The following HCK variants were observed in gnomAD, a reference collection of about 807,000 sequenced individuals.
HCK encodes the protein tyrosine-protein kinase HCK.
Under a neutral mutation model 70.4 loss-of-function variants are expected in HCK, and 40 were observed. The observed-to-expected ratio is 0.57, with a 90% confidence interval of 0.44 to 0.74. The LOEUF is 0.74. HCK is among the 30% of genes least tolerant of loss of function. The pLI, the probability that HCK is intolerant of heterozygous loss-of-function variation, is 0.00. For missense variants in HCK, 568 were observed against 697.2 expected, an observed-to-expected ratio of 0.81 and a Z score of 2.09; for synonymous variants, 245 against 263.2, an observed-to-expected ratio of 0.93 and a Z score of 0.67.
Position 32,074,658 on chromosome 20 carries a change from C to A in HCK, c.365C>A (p.Thr122Asn), listed in dbSNP as rs2045595078. 2.5e-6 allele frequency: 4 copies of A among 1,613,920 alleles called. No homozygotes were observed. Among genetic ancestry groups the A allele is most frequent in the Non-Finnish European group, 3.4e-6 (4 of 1,179,950 alleles). ...TGGTGGAAGGCTCGATCCCTGGCCA[C>A]CCGGAAGGAGGGCTACATCCCAAGC... Residue 122 changes from threonine to asparagine, a missense_variant, in exon 5 of 13, where the codon ACC (threonine) becomes AAC (asparagine). By Grantham distance (65) the Thr-to-Asn change is moderately conservative (BLOSUM62 0). Around this residue, in one of 4 missense-constraint regions of HCK, gnomAD observed 318 missense variants for 336.0 expected, o/e 0.95. Transcript: ENST00000375852.
At chr20:32,053,375 C>A (rs958495855) in intron 1 of HCK, among the ~76,000 whole-genome samples, 1 of 151,934 alleles carries the variant, frequency 6.6e-6, no homozygotes, top group African/African-American at 2.4e-5. Flanking sequence ...GGGTGGCACA[C>A]GCCTGTAATC....
intron 1 of HCK, among the ~76,000 whole-genome samples, chr20:32,061,069 C>T (rs2045363216): frequency 2.0e-5 from 3 of 152,140 alleles, no homozygotes; most frequent in South Asian, 2.1e-4. Context: ...CTGCAACCTC[C>T]GCCTCCCGGG....
At chr20:32,073,415 C>T in intron 3 of HCK, 54 bp downstream of exon 3, 1 of 1,448,616 alleles carries the variant, frequency 6.9e-7, no homozygotes, top group Non-Finnish European at 9.6e-7. Context: ...GAGGACTCCG[C>T]TAGGTTCTCC....
At chr20:32,095,312 G>A (rs2045939968) in intron 11 of HCK, among the ~76,000 whole-genome samples, 1 of 152,018 alleles carries the variant, frequency 6.6e-6, no homozygotes, top group African/African-American at 2.4e-5. Context: ...CTAGAGTGCA[G>A]TGGCTCAATC....
chr20:32,054,149 A>G (rs1454029970), intron 1 of HCK: 1 of 438,084 alleles, frequency 2.3e-6, no homozygotes, highest in Non-Finnish European at 4.6e-6. Flanking sequence ...ATTTACTAAA[A>G]GTAACAGAAA....
At position 32,086,701 on chromosome 20, in the gene HCK, G is replaced by A. The variant is rs775556498; in HGVS notation, c.909G>A (p.Leu303=). Residue 303 remains leucine (L), a synonymous_variant, in exon 9 of 13, where the codon CTG becomes CTA. Coordinates refer to ENST00000375852, the MANE Select transcript of HCK (RefSeq NM_002110.5). ...GGAGCATGTCGGTGGAGGCCTTCCT[G>A]GCAGAGGCCAACGTGATGAAAACTC... The A allele has an allele frequency of 1.2e-6, 2 of 1,613,776 alleles. No homozygotes were observed. Among genetic ancestry groups the A allele is most frequent in the South Asian group, 1.1e-5 (1 of 91,030 alleles).
At chr20:32,087,749 C>T (rs935478366) in intron 9 of HCK, among the ~76,000 whole-genome samples, 3 of 152,092 alleles carry the variant, frequency 2.0e-5, no homozygotes, top group Non-Finnish European at 4.4e-5. Flanking sequence ...TCACGCCATT[C>T]TCCTGCCTCA....
rs751576419 is a variant in HCK at position 32,083,969 on chromosome 20, T to C, written c.608T>C (p.Leu203Pro). ...GTGAAACATTACAAGATCCGGACCC[T>C]GGACAACGGGGGCTTCTACATATCC... Residue 203 changes from leucine to proline, a missense_variant, in exon 7 of 13, where the codon CTG (leucine) becomes CCG (proline). Transcript: ENST00000375852. 2 of 1,614,076 alleles carry C rather than the reference T, an allele frequency of 1.2e-6. No individual in the cohort carries two copies. Among genetic ancestry groups the C allele is most frequent in the Admixed American group, 3.3e-5 (2 of 60,006 alleles).
At chr20:32,094,788 A>AAAGAAG (rs879484597) in intron 11 of HCK, among the ~76,000 whole-genome samples, 708 of 24,434 alleles carry the variant, frequency 0.029, 27 homozygotes, top group Middle Eastern at 0.076. Context: ...AGAGAGAAAG[A>AAAGAAG]GAAAGAAAGA....
intron 4 of HCK, among the ~76,000 whole-genome samples, chr20:32,074,286 C>A (rs2045589180): frequency 6.6e-6 from 1 of 152,160 alleles, no homozygotes; most frequent in Non-Finnish European, 1.5e-5. Context: ...TCAGCCCCAG[C>A]TGAACCATTC....
intron 11 of HCK, among the ~76,000 whole-genome samples, chr20:32,094,781 GAGAAAGAGAA>G (rs1423079107): frequency 1.1e-5 from 1 of 89,108 alleles, no homozygotes; most frequent in African/African-American, 5.8e-5. Flanking sequence ...AAGAAAGAGA[GAGAAAGAGAA>G]AGAAAGAAAG....
intron 1 of HCK, among the ~76,000 whole-genome samples, chr20:32,066,071 T>A (rs1600712735): frequency 2.0e-5 from 3 of 152,148 alleles, no homozygotes; most frequent in Non-Finnish European, 1.5e-5. Context: ...GAGCACCATA[T>A]TGCATTTCTA....
chr20:32,099,350 C>CTTTTTTTTTT (rs71336559), intron 12 of HCK, among the ~76,000 whole-genome samples: 6 of 85,134 alleles, frequency 7.0e-5, no homozygotes, highest in African/African-American at 1.9e-4. Flanking sequence ...ACTCCTATGA[C>CTTTTTTTTTT]TTTTTTTTTT....
intron 6 of HCK, among the ~76,000 whole-genome samples, chr20:32,082,605 G>A (rs1333872349): frequency 6.6e-6 from 1 of 152,104 alleles, no homozygotes; most frequent in Non-Finnish European, 1.5e-5. Flanking sequence ...TTGCGCCACT[G>A]CACTCCAGCC....
intron 8 of HCK, among the ~76,000 whole-genome samples, chr20:32,084,923 C>T (rs2045762314): frequency 6.6e-6 from 1 of 152,216 alleles, no homozygotes; most frequent in Non-Finnish European, 1.5e-5. Flanking sequence ...AACTGATGAA[C>T]AGGTTATTCT....
chr20:32,084,402 G>A lies in HCK; in HGVS notation c.694G>A (p.Gly232Arg), dbSNP rs199531584. The change falls in exon 8 of 13, where the codon GGG becomes AGG. Residue 232 changes from glycine to arginine, a missense_variant. Gly to Arg is a moderately radical substitution (Grantham distance 125). Transcript: ENST00000375852. The stretch of plus-strand genomic sequence containing the variant: ...GGACTCTGTTCCAGAGGGGAACGAC[G>A]GGCTCTGCCAGAAACTGTCGGTGCC... 57 of 1,613,252 alleles carry A rather than the reference G, an allele frequency of 3.5e-5. No individual in the cohort carries two copies. The highest frequency in any genetic ancestry group is 4.1e-5 in the Non-Finnish European group (48 of 1,179,566).
chr20:32,088,972 C>T (rs1161040698), intron 10 of HCK, among the ~76,000 whole-genome samples: 2 of 152,192 alleles, frequency 1.3e-5, no homozygotes, highest in Non-Finnish European at 2.9e-5. Context: ...TTCTTCTGCT[C>T]GTCATGGTAA....
intron 1 of HCK, among the ~76,000 whole-genome samples, chr20:32,061,267 C>T (rs1403522648): frequency 2.0e-5 from 3 of 152,232 alleles, no homozygotes; most frequent in East Asian, 1.9e-4. Context: ...CAGGCGTGAG[C>T]CACTGCGCCC....
intron 1 of HCK, among the ~76,000 whole-genome samples, chr20:32,061,262 G>T (rs1010368686): frequency 1.3e-5 from 2 of 152,228 alleles, no homozygotes; most frequent in African/African-American, 2.4e-5. Context: ...GATTACAGGC[G>T]TGAGCCACTG....
Sources: allele counts gnomAD v4.1 joint callset (sites outside exome capture counted in the v4.1 genomes callset), GRCh38; gene constraint gnomAD v4.1.1; regional missense constraint gnomAD v4.1.1; transcripts MANE v1.5; gene names NCBI Gene and HGNC (gene_info 2026-07-23, HGNC 2026-07-21).